The following LOXL4 variants were observed in gnomAD, a reference collection of about 807,000 sequenced individuals.
The protein encoded by LOXL4 is lysyl oxidase like 4.
A neutral mutation model predicts 89.1 loss-of-function variants in LOXL4; 72 were observed. The ratio of observed to expected loss-of-function variants is 0.81; its 90% CI spans 0.67 to 0.98. The LOEUF (loss-of-function observed/expected upper bound fraction) is 0.98, where lower values mean the gene tolerates loss of function less well. LOXL4 is among the 50% of genes least tolerant of loss of function. The probability of loss-of-function intolerance (pLI) is 0.00; values close to 1 mark genes in which losing one functional copy is unlikely to be tolerated. For missense variants in LOXL4, 984 were observed against 1,017.5 expected (o/e 0.97, Z 0.45); for synonymous variants, 355 against 392.1 (o/e 0.91, Z 1.12).
chr10:98,267,255 C>A, intron 1 of LOXL4, among the ~76,000 whole-genome samples: 1 of 152,082 alleles, frequency 6.6e-6, no homozygotes, highest in South Asian at 2.1e-4. Flanking sequence ...TGAAATTCCA[C>A]CCTGTTCTGG....
intron 9 of LOXL4, 63 bp from the exon 10 acceptor site, chr10:98,255,802 T>C: frequency 6.4e-7 from 1 of 1,561,934 alleles, no homozygotes; most frequent in Non-Finnish European, 8.8e-7. Flanking sequence ...GACTCCCATC[T>C]GAGGTGTGGC....
chr10:98,257,921 C>G lies in LOXL4; in HGVS notation c.1105+60G>C. On this transcript the variant is annotated intron_variant, in intron 7 of 14. Coordinates refer to ENST00000260702, the MANE Select transcript of LOXL4 (RefSeq NM_032211.7). ...CCTGGCCCTGTCACCCCAGGGCCTT[C>G]AAGACATGGACCAGTGGCATATCCA... The G allele has an allele frequency of 2.5e-6, 4 of 1,591,462 alleles. No individual in the cohort carries two copies. In the Admixed American group the frequency reaches 6.8e-5, roughly 27 times the overall value.
Position 98,256,957 on chromosome 10 carries a change from C to G in LOXL4, c.1261-10G>C. The G allele has an allele frequency of 6.2e-7, 1 of 1,612,858 alleles. No homozygotes were observed. Among genetic ancestry groups the G allele is most frequent in the Non-Finnish European group, 8.5e-7 (1 of 1,179,382 alleles). ...CACCAGCCAAGCGCACCTGCAATGG[C>G]GAGGGGTGTGTGAGGAGTGGGGTAG... On this transcript the variant is annotated splice_polypyrimidine_tract_variant and intron_variant, in intron 8 of 14. Coordinates refer to ENST00000260702, the MANE Select transcript of LOXL4 (RefSeq NM_032211.7).
Position 98,255,594 on chromosome 10 carries a change from C to T in LOXL4, c.1574G>A (p.Gly525Glu), listed in dbSNP as rs542916018. 1.9e-6 allele frequency: 3 copies of T among 1,609,744 alleles called. No homozygotes were observed. The highest frequency in any genetic ancestry group is 1.7e-4 in the Middle Eastern group (1 of 6,046). Residue 525 changes from glycine (G) to glutamate (E), a missense_variant, in exon 10 of 15, where the codon GGA becomes GAA. By Grantham distance (98) the Gly-to-Glu change is moderately conservative. Coordinates refer to ENST00000260702, the MANE Select transcript of LOXL4 (RefSeq NM_032211.7). ...TCACTCACTGTCCATGCAGGAGACT[C>T]CAGCCAGGAAGCGCCCGCCACCGTG... ...CSHGGGRFLA[G>E]VSCMDSAPDL...
chr10:98,256,563 C>T, intron 9 of LOXL4: 1 of 586,504 alleles, frequency 1.7e-6, no homozygotes, highest in Non-Finnish European at 3.0e-6. Flanking sequence ...TTCATCTTTC[C>T]TGCAGATGCA....
In LOXL4 at chr10:98,248,632, C is replaced by T. The variant is rs74675862; in HGVS notation, c.*289G>A. On this transcript the variant is annotated 3_prime_UTR_variant, in exon 15 of 15. Transcript: ENST00000260702. ...GCTCCTGAATCCCGGATCTCTGTGGCAAGATTCAGGGATGACTGGGTTTCC... is the reference window on the plus strand; with the variant it reads ...GCTCCTGAATCCCGGATCTCTGTGGTAAGATTCAGGGATGACTGGGTTTCC... 3.0e-4 allele frequency: 113 copies of T among 374,552 alleles called. No individual in the cohort carries two copies. The East Asian group carries it at 5.3e-3, about 17-fold the overall frequency. 23.2% of individuals were successfully genotyped at this position (374,552 alleles called of 1,614,324 possible).
Position 98,263,052 on chromosome 10 carries a change from C to A in LOXL4, c.-32-1G>T. The A allele has an allele frequency of 6.2e-7, 1 of 1,603,798 alleles. No homozygotes were observed. The highest frequency in any genetic ancestry group is 1.1e-5 in the South Asian group (1 of 90,592). ...TCAAGGACAGCTGAGGCCAAGATAC[C>A]TGAGGAATGAGTAAACATGACAGTG... On this transcript the variant is annotated splice_acceptor_variant, in intron 1 of 14. Coordinates refer to ENST00000260702, the MANE Select transcript of LOXL4 (RefSeq NM_032211.7). LOFTEE classifies it low-confidence loss of function (5UTR_SPLICE).
chr10:98,255,505 G>C, intron 10 of LOXL4, 72 bp downstream of exon 10: 1 of 1,492,210 alleles, frequency 6.7e-7, no homozygotes, highest in Non-Finnish European at 9.1e-7. Flanking sequence ...CCTGGGACCA[G>C]CATGCAGGGC....
chr10:98,251,750 G>C (rs1344962659), intron 12 of LOXL4, 48 bp from the exon 13 acceptor site: 7 of 1,602,210 alleles, frequency 4.4e-6, no homozygotes, highest in Non-Finnish European at 6.0e-6. Flanking sequence ...GAAGCACTCT[G>C]CTAGGTCTTT....
At chr10:98,252,504 C>G (rs367930549) in intron 11 of LOXL4, 36 bp from the exon 12 acceptor site, 34 of 1,445,532 alleles carry the variant, frequency 2.4e-5, no homozygotes, top group Non-Finnish European at 3.9e-6. Flanking sequence ...GCGGCAGCAA[C>G]AGGAGAGGGT....
chr10:98,251,575 A>G lies in LOXL4; in HGVS notation c.2079T>C (p.Tyr693=), dbSNP rs1858193277. 2 of 1,614,176 alleles carry G rather than the reference A, an allele frequency of 1.2e-6. No individual in the cohort carries two copies. The highest frequency in any genetic ancestry group is 1.7e-6 in the Non-Finnish European group (2 of 1,180,026). The change falls in exon 13 of 15, where the codon TAT becomes TAC. Residue 693 remains tyrosine (Y), a synonymous_variant. Transcript: ENST00000260702. The part of the protein sequence containing the change: ...VDITDVGPGN[Y]IFQVIVNPHY... ...CCCCCAGCCGCCTTACCTGGAAGATATAATTCCCGGGGCCCACATCTGTGA... is the reference window on the plus strand; with the variant it reads ...CCCCCAGCCGCCTTACCTGGAAGATGTAATTCCCGGGGCCCACATCTGTGA...
intron 1 of LOXL4, 35 bp downstream of exon 1, chr10:98,268,085 GCAAGAGGCAGAC>G (rs1390594941): frequency 6.5e-6 from 1 of 153,100 alleles, no homozygotes; most frequent in African/African-American, 2.4e-5. Context: ...AGATGGGACA[GCAAGAGGCAGAC>G]CAAGAGGCAG....
At chr10:98,255,321 A>G (rs1858324655) in intron 10 of LOXL4, among the ~76,000 whole-genome samples, 1 of 152,230 alleles carries the variant, frequency 6.6e-6, no homozygotes, top group Non-Finnish European at 1.5e-5. Flanking sequence ...GTCATAACCC[A>G]AAGTTGAAAA....
chr10:98,267,911 C>T (rs967799910), intron 1 of LOXL4, among the ~76,000 whole-genome samples: 2 of 152,168 alleles, frequency 1.3e-5, no homozygotes, highest in African/African-American at 4.8e-5. Flanking sequence ...CCACTCAGGG[C>T]GGGCCTTGGG....
rs151150208 is a variant in LOXL4 at position 98,259,125 on chromosome 10, G to A, written c.805C>T (p.Arg269Trp). 7.8e-5 allele frequency: 126 copies of A among 1,610,008 alleles called. No homozygotes were observed. The highest frequency in any genetic ancestry group is 5.1e-4 in the East Asian group (23 of 44,812). Residue 269 changes from arginine to tryptophan, a missense_variant, in exon 6 of 15, where the codon CGG (arginine) becomes TGG (tryptophan). Physicochemically the swap from Arg to Trp is moderately radical, Grantham distance 101 (BLOSUM62 -3). Transcript: ENST00000260702. ...GGGCAGGCTGGCCGCAGCTTGCCCC[G>A]GGCTGGAGCCACCTGCACCTGGCAG... ...ANCQVQVAPA[R>W]GKLRPACPGG...
chr10:98,253,906 C>T, intron 10 of LOXL4, 110 bp from the exon 11 acceptor site: 1 of 1,398,658 alleles, frequency 7.1e-7, no homozygotes, highest in Non-Finnish European at 9.7e-7. Flanking sequence ...CGAGAGGACC[C>T]CACAAAAGAA....
Position 98,257,011 on chromosome 10 carries a change from G to C in LOXL4, c.1261-64C>G, listed in dbSNP as rs1182364868. 7 of 1,551,062 alleles carry C rather than the reference G, an allele frequency of 4.5e-6. No homozygotes were observed. The African/African-American group carries it at 9.6e-5, about 21-fold the overall frequency. ...TGCAGGGAAGAGCTCAGGGCTGCGA[G>C]CCTGGAGGTCTGCCCAAGCCAGCTC... On this transcript the variant is annotated intron_variant, in intron 8 of 14. Coordinates refer to ENST00000260702, the MANE Select transcript of LOXL4 (RefSeq NM_032211.7).
rs772189301 is a variant in LOXL4 at position 98,258,129 on chromosome 10, C to A, written c.957G>T (p.Val319=). 5.6e-6 allele frequency: 9 copies of A among 1,613,028 alleles called. No homozygotes were observed. In the African/African-American group the frequency reaches 1.2e-4, roughly 21 times the overall value. Residue 319 remains valine, a synonymous_variant, in exon 7 of 15, where the codon GTG becomes GTT. Transcript: ENST00000260702. ...PRVRLRSGAQ[V]GEGRVEVLMN... is the part of the protein sequence containing the mutation. The stretch of plus-strand genomic sequence containing the variant: ...TGAGCACTTCCACCCGGCCCTCGCC[C>A]ACCTGGGCCCCGGAGCGCAGGCGCA...
chr10:98,265,379 A>AACAGC lies in LOXL4; in HGVS notation c.-32-2329_-32-2328insGCTGT, dbSNP rs1564762995. Among the ~76,000 whole-genome samples, 148 of 87,550 alleles carry AACAGC rather than the reference A, an allele frequency of 1.7e-3. 12 individuals carry two copies. Among genetic ancestry groups the AACAGC allele is most frequent in the Middle Eastern group, 6.9e-3 (1 of 144 alleles). 57.4% of individuals were successfully genotyped at this position (87,550 alleles called of 152,430 possible). ...CCTTCAGTAACAATGAACTATTATTATTATTATTATTATTATTATTATTAT... is the reference window on the plus strand; with the variant it reads ...CCTTCAGTAACAATGAACTATTATTAACAGCTTATTATTATTATTATTATTATTAT... On this transcript the variant is annotated intron_variant, in intron 1 of 14. Transcript: ENST00000260702.
Sources: gnomAD v4.1 joint callset for allele counts (sites outside exome capture counted in the v4.1 genomes callset) on GRCh38, gnomAD v4.1.1 for gene constraint, MANE v1.5 for transcripts, NCBI Gene and HGNC (gene_info 2026-07-23, HGNC 2026-07-21) for gene names.